TENM2: variants seen among roughly 807,000 people sequenced by gnomAD.
TENM2 encodes the protein teneurin-2.
A neutral mutation model predicts 245.2 loss-of-function variants in TENM2; 52 were observed. The observed-to-expected ratio is 0.21, with a 90% CI of 0.17 to 0.27. The LOEUF (loss-of-function observed/expected upper bound fraction) is 0.27. Ranked by LOEUF, TENM2 falls within the 10% of genes least tolerant of loss-of-function variation. The probability of loss-of-function intolerance (pLI) is 1.00; values close to 1 mark genes in which losing one functional copy is unlikely to be tolerated. For missense variants in TENM2, 3,046 were observed against 3,666.8 expected (o/e 0.83, Z 4.37); for synonymous variants, 1,363 against 1,438.9 (o/e 0.95, Z 1.19).
the TENM2 span, among the ~76,000 whole-genome samples, chr5:167,132,330 TCA>T: frequency 6.6e-6 from 1 of 152,166 alleles, no homozygotes; most frequent in Non-Finnish European, 1.5e-5. Context: ...CTGACCTCCA[TCA>T]CCATGCAACA....
At chr5:167,759,404 G>C (rs1453000010) in intron 2 of TENM2, among the ~76,000 whole-genome samples, 1 of 152,006 alleles carries the variant, frequency 6.6e-6, no homozygotes, top group Non-Finnish European at 1.5e-5. Context: ...CTCACATTCT[G>C]TACATGGAAA....
the TENM2 span, among the ~76,000 whole-genome samples, chr5:167,054,483 C>G: frequency 6.6e-6 from 1 of 152,140 alleles, no homozygotes; most frequent in African/African-American, 2.4e-5. Flanking sequence ...AATAAAGCTA[C>G]TGTAAACATC....
chr5:167,718,212 C>T (rs546503440), intron 2 of TENM2, among the ~76,000 whole-genome samples: 2 of 152,090 alleles, frequency 1.3e-5, no homozygotes, highest in African/African-American at 4.8e-5. Flanking sequence ...AATGTTTTTC[C>T]ATGTCTTCCT....
intron 7 of TENM2, among the ~76,000 whole-genome samples, chr5:168,066,362 G>A (rs1790508314): frequency 6.6e-6 from 1 of 152,170 alleles, no homozygotes; most frequent in African/African-American, 2.4e-5. Flanking sequence ...CCTGGAAGGA[G>A]CACCAGAAAT....
At chr5:168,069,933 A>G (rs1790837523) in intron 7 of TENM2, among the ~76,000 whole-genome samples, 1 of 152,186 alleles carries the variant, frequency 6.6e-6, no homozygotes, top group Non-Finnish European at 1.5e-5. Context: ...GAGGCAGAGA[A>G]AATTAACAAA....
At chr5:167,271,905 T>G in the TENM2 span, among the ~76,000 whole-genome samples, 1 of 152,194 alleles carries the variant, frequency 6.6e-6, no homozygotes. Flanking sequence ...TCTTATTTAC[T>G]ATTGCATTAA....
At chr5:167,530,113 C>T (rs1174779905) in intron 2 of TENM2, among the ~76,000 whole-genome samples, 1 of 152,058 alleles carries the variant, frequency 6.6e-6, no homozygotes, top group Non-Finnish European at 1.5e-5. Flanking sequence ...CAATAAGATA[C>T]ATGGAGAAAG....
chr5:167,715,388 G>A (rs944109142), intron 2 of TENM2, among the ~76,000 whole-genome samples: 1 of 152,194 alleles, frequency 6.6e-6, no homozygotes, highest in Non-Finnish European at 1.5e-5. Context: ...GAGGCAGGTG[G>A]CATGGGCTAC....
the TENM2 span, among the ~76,000 whole-genome samples, chr5:167,028,901 C>T: frequency 4.8e-3 from 735 of 151,996 alleles, 4 homozygotes; most frequent in African/African-American, 0.017. Flanking sequence ...TCTAAATTTT[C>T]GAACTTATTA....
At chr5:167,933,220 A>C (rs1280883067) in intron 3 of TENM2, among the ~76,000 whole-genome samples, 4 of 152,170 alleles carry the variant, frequency 2.6e-5, no homozygotes, top group African/African-American at 7.2e-5. Flanking sequence ...TTTGCTCTAT[A>C]CTTTGTTAGG....
At chr5:168,260,160 T>G in intron 27 of TENM2, 123 bp from the exon 30 acceptor site, 8 of 982,262 alleles carry the variant, frequency 8.1e-6, no homozygotes, top group Non-Finnish European at 1.2e-5. Flanking sequence ...TCATAAGCTC[T>G]TCCTCCCTCC....
chr5:167,430,374 G>T (rs1322908724), intron 2 of TENM2, among the ~76,000 whole-genome samples: 1 of 152,166 alleles, frequency 6.6e-6, no homozygotes, highest in South Asian at 2.1e-4. Flanking sequence ...TTCAACAGAA[G>T]GAGGTGTTCA....
chr5:168,217,350 G>A (rs1358873329), intron 22 of TENM2, among the ~76,000 whole-genome samples: 2 of 152,240 alleles, frequency 1.3e-5, no homozygotes, highest in African/African-American at 4.8e-5. Flanking sequence ...AGTAACTAGA[G>A]CAGAGCCCTC....
intron 2 of TENM2, among the ~76,000 whole-genome samples, chr5:167,872,615 C>T (rs1210701551): frequency 6.6e-6 from 1 of 151,964 alleles, no homozygotes; most frequent in African/African-American, 2.4e-5. Context: ...GATCTAGGGA[C>T]TGAGAAATTT....
At chr5:167,367,235 A>T (rs1352729162) in intron 1 of TENM2, among the ~76,000 whole-genome samples, 1 of 152,198 alleles carries the variant, frequency 6.6e-6, no homozygotes, top group Non-Finnish European at 1.5e-5. Context: ...GGTTCTAGTT[A>T]CAAATTGTAA....
At chr5:167,733,165 T>C (rs1317832962) in intron 2 of TENM2, among the ~76,000 whole-genome samples, 1 of 152,162 alleles carries the variant, frequency 6.6e-6, no homozygotes, top group Non-Finnish European at 1.5e-5. Flanking sequence ...AGTTGATTGG[T>C]CACCTGCTAC....
At chr5:167,057,054 G>A in the TENM2 span, among the ~76,000 whole-genome samples, 15 of 151,452 alleles carry the variant, frequency 9.9e-5, no homozygotes, top group African/African-American at 3.2e-4. Flanking sequence ...TTCAGTTTTC[G>A]AAATTTCTAT....
intron 2 of TENM2, among the ~76,000 whole-genome samples, chr5:167,576,100 T>G (rs914515530): frequency 2.6e-5 from 4 of 152,342 alleles, no homozygotes; most frequent in Admixed American, 2.0e-4. Context: ...CAATGATAAA[T>G]TTGAAGTTGC....
At chr5:167,271,759 C>T in the TENM2 span, among the ~76,000 whole-genome samples, 1 of 152,154 alleles carries the variant, frequency 6.6e-6, no homozygotes, top group Non-Finnish European at 1.5e-5. Context: ...ACATGTAGCT[C>T]TGAAGCTAGG....
Sources: gnomAD v4.1 joint callset for allele counts (sites outside exome capture counted in the v4.1 genomes callset) on GRCh38, gnomAD v4.1.1 for gene constraint, MANE v1.5 for transcripts, NCBI Gene and HGNC (gene_info 2026-07-23, HGNC 2026-07-21) for gene names.